Variants in ZNF718 observed in about 807,000 individuals in gnomAD.
ZNF718 encodes zinc finger protein 718.
ZNF718 carries 3 observed loss-of-function variants against 2.6 expected under a neutral mutation model. The observed-to-expected ratio is 1.16, with a 90% CI of 0.53 to 3.01. The LOEUF (loss-of-function observed/expected upper bound fraction) is 3.01, where lower values mean the gene tolerates loss of function less well. Among genes scored for constraint, ZNF718 ranks in the 30% most tolerant of loss-of-function variants. ZNF718 has a pLI of 0.03. For missense variants in ZNF718, 468 were observed against 230.0 expected (o/e 2.03, Z -6.69); for synonymous variants, 135 against 77.9 (o/e 1.73, Z -3.86).
At chr4:170,753 T>G (rs1351728101) in intron 3 of ZNF718, among the ~76,000 whole-genome samples, 2 of 152,108 alleles carry the variant, frequency 1.3e-5, no homozygotes, top group African/African-American at 4.8e-5. Flanking sequence ...TTCGTCTAAT[T>G]TTTTTTCAAG....
chr4:156,168 A>T (rs1287423903), intron 3 of ZNF718, among the ~76,000 whole-genome samples: 1 of 152,182 alleles, frequency 6.6e-6, no homozygotes, highest in African/African-American at 2.4e-5. Flanking sequence ...TATCAGCAGT[A>T]TGAAAATGGA....
At chr4:185,102 A>G (rs182665473) in intron 3 of ZNF718, among the ~76,000 whole-genome samples, 2 of 151,984 alleles carry the variant, frequency 1.3e-5, no homozygotes, top group African/African-American at 4.8e-5. Flanking sequence ...TAGGTTGATG[A>G]CTTGAGATCT....
intron 3 of ZNF718, among the ~76,000 whole-genome samples, chr4:156,979 T>TGTTC (rs1297572302): frequency 5.9e-5 from 9 of 152,312 alleles, no homozygotes; most frequent in Non-Finnish European, 1.2e-4. Context: ...TCCATCTAGC[T>TGTTC]GTTCCGCTTA....
intron 3 of ZNF718, among the ~76,000 whole-genome samples, chr4:174,188 C>T (rs970208029): frequency 3.3e-5 from 5 of 152,224 alleles, no homozygotes; most frequent in Non-Finnish European, 7.4e-5. Context: ...CAAAACCTCC[C>T]GGCCTTCCAA....
chr4:151,219 C>T (rs1429448811), intron 3 of ZNF718, among the ~76,000 whole-genome samples: 1 of 152,112 alleles, frequency 6.6e-6, no homozygotes, highest in Non-Finnish European at 1.5e-5. Flanking sequence ...TCTCCTGCCT[C>T]AGCCTCCCAA....
chr4:143,807 C>T (rs1262333762), intron 3 of ZNF718, among the ~76,000 whole-genome samples: 1 of 152,156 alleles, frequency 6.6e-6, no homozygotes, highest in Non-Finnish European at 1.5e-5. Flanking sequence ...CAAGAAACTA[C>T]CCTGCCTCCA....
intron 3 of ZNF718, among the ~76,000 whole-genome samples, chr4:180,403 G>C (rs1717440664): frequency 6.6e-6 from 1 of 152,206 alleles, no homozygotes; most frequent in Non-Finnish European, 1.5e-5. Context: ...ATTCTGAACA[G>C]GGATCCTGGC....
At chr4:171,774 C>T (rs1258960183) in intron 3 of ZNF718, among the ~76,000 whole-genome samples, 6 of 152,204 alleles carry the variant, frequency 3.9e-5, no homozygotes, top group Admixed American at 3.9e-4. Flanking sequence ...AGGGAATTCC[C>T]TGACCCGTTG....
At position 127,356 on chromosome 4, in the gene ZNF718, A is replaced by G. The variant is rs1268436048; in HGVS notation, c.3+2683A>G. 1.9e-5 allele frequency among the ~76,000 whole-genome samples: 2 copies of G among 104,312 alleles called. 1 individual carries two copies. The highest frequency in any genetic ancestry group is 4.3e-5 in the Non-Finnish European group (2 of 46,742). The allele number at this position is 104,312 out of a possible 152,430, so 68.4% of individuals were successfully genotyped here. A position where few individuals can be genotyped will look rare whatever the true frequency, so the allele number is the denominator to read the frequency against. Reference sequence around the variant, plus strand: ...TAGAGCAGTTAGACTAGATTTCTACAAAAATCACTTCAGGACAGCAATCAG... The same window carrying G: ...TAGAGCAGTTAGACTAGATTTCTACGAAAATCACTTCAGGACAGCAATCAG... On this transcript the variant is annotated intron_variant, in intron 1 of 3. Transcript: ENST00000510175.
rs368422366 is a variant in ZNF718, at chr4:144,188, G to A, written c.226+12683G>A. Among the ~76,000 whole-genome samples, 10 of 152,330 alleles carry A rather than the reference G, an allele frequency of 6.6e-5. 1 individual carries two copies. Among genetic ancestry groups the A allele is most frequent in the African/African-American group, 2.2e-4 (9 of 41,562 alleles). On this transcript the variant is annotated intron_variant, in intron 3 of 3. Coordinates refer to ENST00000510175, the MANE Select transcript of ZNF718 (RefSeq NM_001039127.6). ...CCTTCGAGCCCCTATGCTCGGGCCC[G>A]CACTGTGGAGTGTACTTTCATTTTT... is the stretch of plus-strand genomic sequence containing the variant.
chr4:155,396 AGACT>A (rs1263559807), intron 3 of ZNF718, among the ~76,000 whole-genome samples: 1 of 152,188 alleles, frequency 6.6e-6, no homozygotes, highest in Non-Finnish European at 1.5e-5. Context: ...AGCAGCCAGG[AGACT>A]GACTGTACCC....
At chr4:175,452 C>T (rs1553818919) in intron 3 of ZNF718, among the ~76,000 whole-genome samples, 1 of 152,180 alleles carries the variant, frequency 6.6e-6, no homozygotes, top group Non-Finnish European at 1.5e-5. Flanking sequence ...CTTAAAATTT[C>T]TCTTTGAATG....
chr4:178,594 T>G (rs1270064902), intron 3 of ZNF718, among the ~76,000 whole-genome samples: 9 of 152,192 alleles, frequency 5.9e-5, no homozygotes, highest in African/African-American at 1.9e-4. Context: ...TGCTAATGGG[T>G]GAGAGGTAAG....
chr4:179,636 G>A (rs1464158842), intron 3 of ZNF718, among the ~76,000 whole-genome samples: 4 of 152,284 alleles, frequency 2.6e-5, no homozygotes, highest in Admixed American at 6.5e-5. Flanking sequence ...TGCACATTCC[G>A]AACCATGGAA....
At chr4:144,359 C>T (rs1715954148) in intron 3 of ZNF718, among the ~76,000 whole-genome samples, 2 of 152,202 alleles carry the variant, frequency 1.3e-5, no homozygotes, top group African/African-American at 2.4e-5. Context: ...GGATTTATCT[C>T]TGCATTCGCT....
intron 3 of ZNF718, among the ~76,000 whole-genome samples, chr4:200,742 A>C (rs1214557533): frequency 6.6e-6 from 1 of 152,192 alleles, no homozygotes; most frequent in Non-Finnish European, 1.5e-5. Context: ...AAAGGCAAAT[A>C]GTTGTTTTCA....
intron 3 of ZNF718, among the ~76,000 whole-genome samples, chr4:172,745 G>C (rs922899874): frequency 6.6e-6 from 1 of 152,014 alleles, no homozygotes; most frequent in Admixed American, 6.6e-5. Flanking sequence ...TGTTATACAT[G>C]TGTGTGTAAA....
intron 3 of ZNF718, among the ~76,000 whole-genome samples, chr4:189,221 C>T (rs781822912): frequency 1.9e-4 from 29 of 151,818 alleles, no homozygotes; most frequent in East Asian, 7.7e-4. Flanking sequence ...CTACCATGCC[C>T]GGCTACTGTA....
chr4:151,927 T>C (rs1326985286), intron 3 of ZNF718, among the ~76,000 whole-genome samples: 1 of 150,970 alleles, frequency 6.6e-6, no homozygotes, highest in Non-Finnish European at 1.5e-5. Flanking sequence ...TGATCATCCG[T>C]GGGTGTTTCT....
Sources: gnomAD v4.1 joint callset for allele counts (sites outside exome capture counted in the v4.1 genomes callset) on GRCh38, gnomAD v4.1.1 for gene constraint, MANE v1.5 for transcripts, NCBI Gene and HGNC (gene_info 2026-07-23, HGNC 2026-07-21) for gene names.